SLC25A33: variants seen among roughly 807,000 people sequenced by gnomAD.
SLC25A33 encodes the protein solute carrier family 25 member 33.
SLC25A33 carries 15 observed loss-of-function variants against 35.5 expected under a neutral mutation model. The ratio of observed to expected loss-of-function variants is 0.42; its 90% CI spans 0.28 to 0.65. SLC25A33 has a LOEUF of 0.65. Ranked by LOEUF, SLC25A33 falls within the 30% of genes least tolerant of loss-of-function variation. SLC25A33 has a pLI of 0.20. For synonymous variants in SLC25A33, 136 were observed against 148.7 expected, an observed-to-expected ratio of 0.91 and a Z score of 0.62; for missense variants, 257 against 398.5, an observed-to-expected ratio of 0.64 and a Z score of 3.02.
intron 2 of SLC25A33, among the ~76,000 whole-genome samples, chr1:9,557,665 AGT>A (rs1643363435): frequency 6.6e-6 from 1 of 152,250 alleles, no homozygotes; most frequent in South Asian, 2.1e-4. Context: ...CTTGGGCAAG[AGT>A]GTGTTCAAGA....
At chr1:9,547,568 T>A (rs1316735948) in intron 1 of SLC25A33, among the ~76,000 whole-genome samples, 1 of 152,090 alleles carries the variant, frequency 6.6e-6, no homozygotes, top group African/African-American at 2.4e-5. Context: ...TAGTGCCCAT[T>A]TTATTGGTCT....
chr1:9,574,112 T>C (rs1284319335), intron 5 of SLC25A33, among the ~76,000 whole-genome samples: 2 of 150,140 alleles, frequency 1.3e-5, no homozygotes, highest in East Asian at 1.9e-4. Flanking sequence ...TGTTTCCTTT[T>C]CTTTTCTTTT....
chr1:9,563,266 A>T (rs993102518), intron 2 of SLC25A33, among the ~76,000 whole-genome samples: 6 of 152,200 alleles, frequency 3.9e-5, no homozygotes, highest in Admixed American at 1.3e-4. Flanking sequence ...ATCTGTGAAT[A>T]GACATAGTTT....
chr1:9,552,807 C>T (rs1220307534), intron 1 of SLC25A33, among the ~76,000 whole-genome samples: 3 of 151,782 alleles, frequency 2.0e-5, no homozygotes, highest in East Asian at 1.9e-4. Flanking sequence ...ACTCAGAATA[C>T]CTAGATACTG....
At chr1:9,574,720 A>C (rs1643636601) in intron 5 of SLC25A33, among the ~76,000 whole-genome samples, 1 of 152,246 alleles carries the variant, frequency 6.6e-6, no homozygotes, top group South Asian at 2.1e-4. Context: ...ACCCTAGCTG[A>C]AATAAAATAA....
At chr1:9,553,221 T>G (rs1643293416) in intron 1 of SLC25A33, among the ~76,000 whole-genome samples, 5 of 138,300 alleles carry the variant, frequency 3.6e-5, no homozygotes, top group African/African-American at 1.4e-4. Flanking sequence ...TTTTTTTTTT[T>G]TTTTTTGGGT....
chr1:9,559,630 A>G (rs777953474), intron 2 of SLC25A33, among the ~76,000 whole-genome samples: 19 of 152,244 alleles, frequency 1.2e-4, no homozygotes, highest in Non-Finnish European at 2.1e-4. Context: ...TTTCCTGTTA[A>G]TAAGTTCTAA....
intron 1 of SLC25A33, among the ~76,000 whole-genome samples, chr1:9,553,225 T>TTTTTTTTTTTTC (rs1643293784): frequency 1.0e-5 from 1 of 95,524 alleles, no homozygotes; most frequent in Non-Finnish European, 2.0e-5. Flanking sequence ...TTTTTTTTTT[T>TTTTTTTTTTTTC]TTGGGTTTTT....
Position 9,582,016 on chromosome 1 carries a change from C to T in SLC25A33, c.764-283C>T, listed in dbSNP as rs1643752850. On this transcript the variant is annotated intron_variant, in intron 6 of 6. Coordinates refer to ENST00000302692, the MANE Select transcript of SLC25A33 (RefSeq NM_032315.3). This position sits in a 1 kb window ranked among gnomAD's most constrained non-coding sequence, Gnocchi z 4.0. ...CCGACTCATTGCGACCTTCACCTCC[C>T]AGGTTCAAGCGATCCTCATTCCTCA... 6.6e-6 allele frequency among the ~76,000 whole-genome samples: 1 copy of T among 152,246 alleles called. No homozygotes were observed. Among genetic ancestry groups the T allele is most frequent in the Non-Finnish European group, 1.5e-5 (1 of 68,018 alleles).
chr1:9,541,577 C>A (rs962702455), intron 1 of SLC25A33, among the ~76,000 whole-genome samples: 1 of 152,168 alleles, frequency 6.6e-6, no homozygotes, highest in Non-Finnish European at 1.5e-5. Context: ...AGGCGTGAGC[C>A]ACCATGCCCG....
At chr1:9,550,570 T>C (rs193230896) in intron 1 of SLC25A33, among the ~76,000 whole-genome samples, 23 of 152,322 alleles carry the variant, frequency 1.5e-4, no homozygotes, top group Admixed American at 1.4e-3. Flanking sequence ...TTAAATGTTA[T>C]ACTTTTTAGG....
chr1:9,560,648 T>G (rs1643410141), intron 2 of SLC25A33, among the ~76,000 whole-genome samples: 1 of 152,230 alleles, frequency 6.6e-6, no homozygotes, highest in Non-Finnish European at 1.5e-5. Context: ...AGAATTTGTT[T>G]ATAGAAAGTT....
At chr1:9,572,500 C>T (rs1381704774) in intron 4 of SLC25A33, among the ~76,000 whole-genome samples, 1 of 151,920 alleles carries the variant, frequency 6.6e-6, no homozygotes, top group Non-Finnish European at 1.5e-5. Flanking sequence ...CACCTGTAGT[C>T]CCAGCTGCTC....
In SLC25A33 at chr1:9,539,848, C is replaced by T. The variant is rs543687958; in HGVS notation, c.56+101C>T. ...CCTCCCGCGGCGGTTACCGGCCTTC[C>T]CCGGGCTACGGCGCCGGCGCTCGGG... is the stretch of plus-strand genomic sequence containing the variant. On this transcript the variant is annotated intron_variant, in intron 1 of 6. Coordinates refer to ENST00000302692, the MANE Select transcript of SLC25A33 (RefSeq NM_032315.3). 1,313 of 1,116,094 alleles carry T rather than the reference C, an allele frequency of 1.2e-3. 8 individuals carry two copies. Among genetic ancestry groups the T allele is most frequent in the African/African-American group, 9.5e-3 (569 of 60,190 alleles). The allele number at this position is 1,116,094 out of a possible 1,614,324, so 69.1% of individuals were successfully genotyped here.
intron 2 of SLC25A33, among the ~76,000 whole-genome samples, chr1:9,563,878 T>C (rs144110289): frequency 0.015 from 2,346 of 152,094 alleles, 81 homozygotes; most frequent in Admixed American, 0.068. Context: ...AGGCTGGTCT[T>C]GAACCCCTGA....
intron 2 of SLC25A33, among the ~76,000 whole-genome samples, chr1:9,558,223 T>C (rs1056470916): frequency 7.9e-5 from 12 of 152,256 alleles, no homozygotes; most frequent in African/African-American, 2.9e-4. Flanking sequence ...GACACAAGGC[T>C]GAGCCTCTGC....
intron 1 of SLC25A33, 61 bp downstream of exon 1, chr1:9,539,808 C>T (rs1643048481): frequency 3.2e-6 from 4 of 1,264,390 alleles, no homozygotes; most frequent in Non-Finnish European, 4.0e-6. Context: ...GCCTTCGCCC[C>T]GGGCGCGGCC....
intron 1 of SLC25A33, among the ~76,000 whole-genome samples, chr1:9,553,080 TG>T (rs1387665965): frequency 6.6e-6 from 1 of 150,792 alleles, no homozygotes; most frequent in East Asian, 1.9e-4. Flanking sequence ...TTAGTAGAGA[TG>T]GGGTTTTGCC....
At chr1:9,557,967 A>G (rs1409317089) in intron 2 of SLC25A33, among the ~76,000 whole-genome samples, 1 of 152,204 alleles carries the variant, frequency 6.6e-6, no homozygotes, top group Non-Finnish European at 1.5e-5. Context: ...TACTTTTAAA[A>G]AATTGTGGGT....
Sources: allele counts gnomAD v4.1 joint callset (sites outside exome capture counted in the v4.1 genomes callset), GRCh38; gene constraint gnomAD v4.1.1; non-coding constraint Gnocchi (gnomAD v3.1); transcripts MANE v1.5; gene names NCBI Gene and HGNC (gene_info 2026-07-23, HGNC 2026-07-21).